Variants in AGPAT3 observed in about 807,000 individuals in gnomAD.
AGPAT3 encodes the protein 1-acylglycerol-3-phosphate O-acyltransferase 3, also known as 1-acyl-sn-glycerol-3-phosphate acyltransferase gamma.
Under a neutral mutation model 47.3 loss-of-function variants are expected in AGPAT3, and 5 were observed. The observed-to-expected ratio is 0.11, with a 90% CI of 0.06 to 0.22. The LOEUF is 0.22. Among genes scored for constraint, AGPAT3 ranks in the 10% least tolerant of loss-of-function variants. The pLI is 1.00. For missense variants in AGPAT3, 315 were observed against 493.0 expected (o/e 0.64, Z 3.42); for synonymous variants, 212 against 208.3 (o/e 1.02, Z -0.15).
intron 2 of AGPAT3, among the ~76,000 whole-genome samples, chr21:43,907,775 G>T (rs770499707): frequency 3.9e-5 from 6 of 152,086 alleles, no homozygotes; most frequent in Admixed American, 6.5e-5. Flanking sequence ...TTGCGTTTTC[G>T]GTTTCATCTG....
chr21:43,982,193 G>A lies in AGPAT3; in HGVS notation c.1043-111G>A. On this transcript the variant is annotated intron_variant, in intron 9 of 9. Coordinates refer to ENST00000291572, the MANE Select transcript of AGPAT3 (RefSeq NM_020132.5). This position sits in a 1 kb window ranked among gnomAD's most constrained non-coding sequence, Gnocchi z 6.2. Reference sequence around the variant, plus strand: ...CTGACAGCAGAGGCCACTGGGTGCGGGGCAGAGGGACAGGGTCTGGGGCAG... The same window carrying A: ...CTGACAGCAGAGGCCACTGGGTGCGAGGCAGAGGGACAGGGTCTGGGGCAG... The A allele has an allele frequency of 1.3e-6, 1 of 776,626 alleles. No homozygotes were observed. Among genetic ancestry groups the A allele is most frequent in the Non-Finnish European group, 2.2e-6 (1 of 464,018 alleles). The allele number at this position is 776,626 out of a possible 1,614,324, so 48.1% of individuals were successfully genotyped here. A position where few individuals can be genotyped will look rare whatever the true frequency, so the allele number is the denominator to read the frequency against.
chr21:43,915,748 T>A (rs2086713670), intron 2 of AGPAT3, among the ~76,000 whole-genome samples: 1 of 152,118 alleles, frequency 6.6e-6, no homozygotes, highest in Non-Finnish European at 1.5e-5. Flanking sequence ...ATAAGTAGCT[T>A]ACTGTTTTGT....
At chr21:43,889,259 C>T (rs1273565765) in intron 1 of AGPAT3, among the ~76,000 whole-genome samples, 1 of 150,420 alleles carries the variant, frequency 6.6e-6, no homozygotes, top group African/African-American at 2.4e-5. Flanking sequence ...TTCCTTGTTA[C>T]ACTGCTAAGT....
rs1445011904 is a variant in AGPAT3, at chr21:43,937,538, A to T, written c.-48-22096A>T. ...TCACAACTTGATACAGATAAGTCTGATGTCAGGAAAAGGGAGTTTTTTTTG... is the reference window on the plus strand; with the variant it reads ...TCACAACTTGATACAGATAAGTCTGTTGTCAGGAAAAGGGAGTTTTTTTTG... On this transcript the variant is annotated intron_variant, in intron 2 of 9. Transcript: ENST00000291572. Among the ~76,000 whole-genome samples, 4 of 152,148 alleles carry T rather than the reference A, an allele frequency of 2.6e-5. No individual in the cohort carries two copies. The South Asian group carries it at 6.2e-4, about 24-fold the overall frequency.
chr21:43,884,637 G>T (rs2145885057), intron 1 of AGPAT3, among the ~76,000 whole-genome samples: 1 of 152,140 alleles, frequency 6.6e-6, no homozygotes, highest in Middle Eastern at 3.4e-3. Flanking sequence ...TGGACGTTGG[G>T]TGCCCAGGCA....
intron 1 of AGPAT3, among the ~76,000 whole-genome samples, chr21:43,876,344 C>T (rs2085732918): frequency 1.3e-5 from 2 of 152,218 alleles, no homozygotes; most frequent in South Asian, 2.1e-4. Context: ...CTACCTCTTG[C>T]TCCCTGATCC....
chr21:43,974,091 T>C (rs1300782300), intron 7 of AGPAT3, among the ~76,000 whole-genome samples: 1 of 151,962 alleles, frequency 6.6e-6, no homozygotes, highest in Non-Finnish European at 1.5e-5. Context: ...GGGATGTGTA[T>C]GTGTGGTGTG....
chr21:43,960,434 C>T (rs1407374558), intron 3 of AGPAT3, among the ~76,000 whole-genome samples: 13 of 152,164 alleles, frequency 8.5e-5, no homozygotes, highest in Admixed American at 3.3e-4. Context: ...CCGCTCACAC[C>T]GGGCGTCGTG....
At chr21:43,906,735 A>G (rs993563488) in intron 2 of AGPAT3, among the ~76,000 whole-genome samples, 1 of 152,230 alleles carries the variant, frequency 6.6e-6, no homozygotes, top group Non-Finnish European at 1.5e-5. Context: ...AGCCGTGTTC[A>G]TCAGGCCTGT....
At position 43,985,434 on chromosome 21, in the gene AGPAT3, T is replaced by C. The variant is rs1023823768; in HGVS notation, c.*3042T>C. 5.9e-6 allele frequency: 2 copies of C among 336,270 alleles called. No homozygotes were observed. Among genetic ancestry groups the C allele is most frequent in the Non-Finnish European group, 1.2e-5 (2 of 172,266 alleles). The allele number at this position is 336,270 out of a possible 1,614,324, so 20.8% of individuals were successfully genotyped here. A position where few individuals can be genotyped will look rare whatever the true frequency, so the allele number is the denominator to read the frequency against. On this transcript the variant is annotated 3_prime_UTR_variant, in exon 10 of 10. Transcript: ENST00000291572. ...AAAAGCACGTCCTGTCGATGAATTT[T>C]GAGTCTCTCTGCCTTGCCTGTCCCG... is the stretch of plus-strand genomic sequence containing the variant.
intron 7 of AGPAT3, among the ~76,000 whole-genome samples, chr21:43,977,509 G>A (rs1336172456): frequency 2.6e-5 from 4 of 152,132 alleles, no homozygotes; most frequent in Non-Finnish European, 2.9e-5. Flanking sequence ...CTGGCCTCTC[G>A]CCGCCATGCC....
chr21:43,961,934 T>A (rs981850743), intron 3 of AGPAT3, among the ~76,000 whole-genome samples: 1 of 152,124 alleles, frequency 6.6e-6, no homozygotes, highest in African/African-American at 2.4e-5. Flanking sequence ...GCAGAGAGAC[T>A]AGTAACCCAG....
intron 2 of AGPAT3, among the ~76,000 whole-genome samples, chr21:43,948,711 C>A (rs559632108): frequency 5.3e-5 from 8 of 152,212 alleles, no homozygotes; most frequent in African/African-American, 1.9e-4. Context: ...AAAAGATTCT[C>A]ATGAACCTAG....
intron 1 of AGPAT3, among the ~76,000 whole-genome samples, chr21:43,876,257 C>G (rs985431718): frequency 1.8e-4 from 27 of 151,962 alleles, no homozygotes; most frequent in African/African-American, 6.3e-4. Context: ...CTAATAATAC[C>G]AAAGTAATAC....
At position 43,960,788 on chromosome 21, in the gene AGPAT3, T is replaced by C. The variant is rs576475290; in HGVS notation, c.178+929T>C. On this transcript the variant is annotated intron_variant, in intron 3 of 9. Coordinates refer to ENST00000291572, the MANE Select transcript of AGPAT3 (RefSeq NM_020132.5). Reference sequence around the variant, plus strand: ...ATACAACAAAGTCCATAGTATGCTATGATTCATTTTGTGTCTTAAGAAAGG... The same window carrying C: ...ATACAACAAAGTCCATAGTATGCTACGATTCATTTTGTGTCTTAAGAAAGG... The C allele has an allele frequency of 6.1e-6, 6 of 984,334 alleles. No homozygotes were observed. The East Asian group carries it at 5.7e-4, about 93-fold the overall frequency. 61.0% of individuals were successfully genotyped at this position (984,334 alleles called of 1,614,324 possible). A position where few individuals can be genotyped will look rare whatever the true frequency, so the allele number is the denominator to read the frequency against.
In AGPAT3 at chr21:43,933,000, G is replaced by A. The variant is rs2087305480; in HGVS notation, c.-48-26634G>A. ...GGCACCTCCAGATGGTTTGTGTAGT[G>A]GCCACACTGATTGACGCTCTCTCTC... On this transcript the variant is annotated intron_variant, in intron 2 of 9. Transcript: ENST00000291572. This position sits in a 1 kb window ranked among gnomAD's most constrained non-coding sequence, Gnocchi z 5.2. Among the ~76,000 whole-genome samples, 1 of 152,156 alleles carries A rather than the reference G, an allele frequency of 6.6e-6. No individual in the cohort carries two copies. Among genetic ancestry groups the A allele is most frequent in the Non-Finnish European group, 1.5e-5 (1 of 68,030 alleles).
chr21:43,951,590 TGCACAGA>T (rs1278580284), intron 2 of AGPAT3, among the ~76,000 whole-genome samples: 1 of 152,186 alleles, frequency 6.6e-6, no homozygotes, highest in Non-Finnish European at 1.5e-5. Flanking sequence ...CTCCTGCCCC[TGCACAGA>T]GCAGGACGCC....
At chr21:43,949,945 T>C (rs929288386) in intron 2 of AGPAT3, among the ~76,000 whole-genome samples, 3 of 152,200 alleles carry the variant, frequency 2.0e-5, no homozygotes, top group African/African-American at 7.2e-5. Context: ...GGCTGCAAAC[T>C]TGCATCCTAC....
chr21:43,877,385 A>T (rs906510545), intron 1 of AGPAT3, among the ~76,000 whole-genome samples: 8 of 152,234 alleles, frequency 5.3e-5, no homozygotes, highest in Admixed American at 5.2e-4. Context: ...AGGGCATGTG[A>T]GGTTTCAAAA....
Sources: gnomAD v4.1 joint callset for allele counts (sites outside exome capture counted in the v4.1 genomes callset) on GRCh38, gnomAD v4.1.1 for gene constraint, Gnocchi (gnomAD v3.1) non-coding constraint, MANE v1.5 for transcripts, NCBI Gene and HGNC (gene_info 2026-07-23, HGNC 2026-07-21) for gene names.